Variants in LMO7 observed in about 807,000 individuals in gnomAD.
LMO7 encodes LIM domain only protein 7.
Under a neutral mutation model 206.5 loss-of-function variants are expected in LMO7, and 120 were observed. That is an observed-to-expected ratio of 0.58 (90% CI 0.50 to 0.68). The LOEUF (loss-of-function observed/expected upper bound fraction) is 0.68, where lower values mean the gene tolerates loss of function less well. Among genes scored for constraint, LMO7 ranks in the 30% least tolerant of loss-of-function variants. The pLI is 0.00. For synonymous variants in LMO7, 706 were observed against 681.5 expected (o/e 1.04, Z -0.56); for missense variants, 1,959 against 1,957.9 (o/e 1.00, Z -0.01).
chr13:75,623,665 G>A (rs2033637304), intron 2 of LMO7, among the ~76,000 whole-genome samples: 1 of 149,510 alleles, frequency 6.7e-6, no homozygotes, highest in Non-Finnish European at 1.5e-5. Flanking sequence ...GCCTGACCAA[G>A]CATTAAAAAA....
chr13:75,826,585 C>T (rs2058132555), intron 15 of LMO7, among the ~76,000 whole-genome samples: 2 of 152,172 alleles, frequency 1.3e-5, no homozygotes, highest in South Asian at 2.1e-4. Context: ...GTAGCGCAGT[C>T]ACAGCTGAAG....
intron 10 of LMO7, 106 bp downstream of exon 10, chr13:75,808,305 T>C (rs2055823525): frequency 7.6e-7 from 1 of 1,309,448 alleles, no homozygotes; most frequent in African/African-American, 1.5e-5. Flanking sequence ...GCATGTCGCG[T>C]GCCATTTTGA....
In LMO7 at chr13:75,804,372, G is replaced by T; in HGVS notation, c.745G>T (p.Ala249Ser). The change falls in exon 8 of 31, where the codon GCT becomes TCT. Residue 249 changes from alanine (A) to serine (S), a missense_variant. Coordinates refer to ENST00000377534, the MANE Select transcript of LMO7 (RefSeq NM_001306080.2). ...TGATATGTCGTATCGAAGGATTTCGGCTGTTGAGCCAAAGACTGCGTTACC... is the reference window on the plus strand; with the variant it reads ...TGATATGTCGTATCGAAGGATTTCGTCTGTTGAGCCAAAGACTGCGTTACC... ...KDDMSYRRIS[A>S]VEPKTALPFN... is the part of the protein sequence containing the mutation. 6.2e-7 allele frequency: 1 copy of T among 1,614,166 alleles called. No homozygotes were observed. Among genetic ancestry groups the T allele is most frequent in the Non-Finnish European group, 8.5e-7 (1 of 1,179,998 alleles).
intron 1 of LMO7, among the ~76,000 whole-genome samples, chr13:75,650,581 A>AG (rs1468717637): frequency 6.6e-6 from 1 of 152,180 alleles, no homozygotes; most frequent in African/African-American, 2.4e-5. Flanking sequence ...AAGGAAAAAA[A>AG]TTTCCTGTGT....
At chr13:75,722,148 CAA>C (rs1476264769) in intron 2 of LMO7, among the ~76,000 whole-genome samples, 3 of 152,214 alleles carry the variant, frequency 2.0e-5, no homozygotes, top group African/African-American at 7.2e-5. Context: ...TTGGCTTAGG[CAA>C]AGACTTCATG....
rs577142380 is a variant in LMO7, at chr13:75,654,698, C to CT, written c.69+17974dup. ...TAGCAGGATTTTCTTTGTGATTTTC[C>CT]TTACTTAACATTATTACATATTCAA... On this transcript the variant is annotated intron_variant, in intron 1 of 30. Transcript: ENST00000377534. Among the ~76,000 whole-genome samples the CT allele has an allele frequency of 5.4e-4, 82 of 152,104 alleles. 1 individual carries two copies. The highest frequency in any genetic ancestry group is 8.8e-4 in the Non-Finnish European group (60 of 68,032).
chr13:75,806,322 C>A, intron 9 of LMO7: 1 of 841,854 alleles, frequency 1.2e-6, no homozygotes, highest in Non-Finnish European at 1.4e-6. Context: ...CCTCTGCCTG[C>A]TTCTGCTGCT....
chr13:75,750,559 A>C (rs1168519602), intron 3 of LMO7, among the ~76,000 whole-genome samples: 2 of 151,362 alleles, frequency 1.3e-5, no homozygotes, highest in African/African-American at 4.9e-5. Flanking sequence ...CTGGATAATA[A>C]TTTTATTTTT....
At chr13:75,781,120 GCTTTTTTTTTT>G (rs2140312858) in intron 4 of LMO7, among the ~76,000 whole-genome samples, 1 of 30,668 alleles carries the variant, frequency 3.3e-5, no homozygotes, top group East Asian at 1.0e-3. Context: ...TTTTTTTTTT[GCTTTTTTTTTT>G]CTTTTATTAT....
intron 2 of LMO7, among the ~76,000 whole-genome samples, chr13:75,631,050 A>C (rs1445103119): frequency 6.6e-6 from 1 of 151,954 alleles, no homozygotes; most frequent in Non-Finnish European, 1.5e-5. Flanking sequence ...TTTTTGAGAC[A>C]GAATCTCTCT....
intron 15 of LMO7, among the ~76,000 whole-genome samples, chr13:75,829,732 T>C (rs1298621137): frequency 6.6e-6 from 1 of 152,020 alleles, no homozygotes; most frequent in Admixed American, 6.6e-5. Context: ...TATGTTGACA[T>C]GAAAATCTTA....
At chr13:75,725,567 A>G (rs1166727374) in intron 2 of LMO7, among the ~76,000 whole-genome samples, 1 of 152,072 alleles carries the variant, frequency 6.6e-6, no homozygotes, top group Non-Finnish European at 1.5e-5. Flanking sequence ...TTAATTTGCA[A>G]TTGTTATTTC....
chr13:75,763,841 T>C (rs2048507313), intron 4 of LMO7, among the ~76,000 whole-genome samples: 2 of 152,104 alleles, frequency 1.3e-5, no homozygotes, highest in South Asian at 4.1e-4. Context: ...TGAGTGGCAA[T>C]AGCAGAAGCA....
intron 15 of LMO7, among the ~76,000 whole-genome samples, 190 bp from the exon 16 acceptor site, chr13:75,832,861 A>G (rs1328262851): frequency 6.6e-6 from 1 of 152,192 alleles, no homozygotes; most frequent in Non-Finnish European, 1.5e-5. Flanking sequence ...TTAGCAGAAA[A>G]ATAATAAACT....
chr13:75,706,667 A>G (rs2042683487), intron 1 of LMO7, among the ~76,000 whole-genome samples: 1 of 152,200 alleles, frequency 6.6e-6, no homozygotes, highest in African/African-American at 2.4e-5. Flanking sequence ...GAAAAGATTA[A>G]CTGAACATTT....
intron 1 of LMO7, among the ~76,000 whole-genome samples, chr13:75,671,388 T>C (rs983833900): frequency 1.3e-5 from 2 of 152,196 alleles, no homozygotes; most frequent in Non-Finnish European, 2.9e-5. Flanking sequence ...CATTGCACTA[T>C]GATAGTGTGA....
intron 2 of LMO7, among the ~76,000 whole-genome samples, chr13:75,715,930 T>C (rs1023039198): frequency 6.6e-6 from 1 of 152,234 alleles, no homozygotes; most frequent in African/African-American, 2.4e-5. Flanking sequence ...CTATCTGTCT[T>C]TGAGGATATT....
rs568898670 is a variant in LMO7 at position 75,821,686 on chromosome 13, C to T, written c.2640+77C>T. The T allele has an allele frequency of 7.2e-6, 7 of 972,422 alleles. No homozygotes were observed. The African/African-American group carries it at 1.1e-4, about 16-fold the overall frequency. 60.2% of individuals were successfully genotyped at this position (972,422 alleles called of 1,614,324 possible). A position where few individuals can be genotyped will look rare whatever the true frequency, so the allele number is the denominator to read the frequency against. On this transcript the variant is annotated intron_variant, in intron 14 of 30. Transcript: ENST00000377534. ...TGAACTTGTGCAGAGGTTGGGGTTA[C>T]ATCAACTTGATGTGTAAACTGTACA...
intron 3 of LMO7, among the ~76,000 whole-genome samples, chr13:75,743,118 A>C (rs927163749): frequency 6.6e-6 from 1 of 152,238 alleles, no homozygotes; most frequent in African/African-American, 2.4e-5. Context: ...TATGAAAAAA[A>C]AGCTCGACAT....
Sources: allele counts gnomAD v4.1 joint callset (sites outside exome capture counted in the v4.1 genomes callset), GRCh38; gene constraint gnomAD v4.1.1; transcripts MANE v1.5; gene names NCBI Gene and HGNC (gene_info 2026-07-23, HGNC 2026-07-21).